The following CDH12 variants were observed in gnomAD, a reference collection of about 807,000 sequenced individuals.
CDH12 encodes the protein cadherin 12, also known as cadherin-12.
Under a neutral mutation model 74.1 loss-of-function variants are expected in CDH12, and 41 were observed. The ratio of observed to expected loss-of-function variants is 0.55; its 90% confidence interval spans 0.43 to 0.72. CDH12 has a LOEUF of 0.72. Among genes scored for constraint, CDH12 ranks in the 30% least tolerant of loss-of-function variants. The pLI is 0.00. For missense variants in CDH12, 945 were observed against 977.2 expected (o/e 0.97, Z 0.44); for synonymous variants, 399 against 355.0 (o/e 1.12, Z -1.39).
At chr5:22,819,549 A>G (rs1264217907) in intron 1 of CDH12, among the ~76,000 whole-genome samples, 1 of 152,064 alleles carries the variant, frequency 6.6e-6, no homozygotes, top group Non-Finnish European at 1.5e-5. Flanking sequence ...GAAAAAAGCT[A>G]TGCAAACACA....
chr5:22,485,383 T>C (rs1173721706), intron 2 of CDH12, among the ~76,000 whole-genome samples: 1 of 152,176 alleles, frequency 6.6e-6, no homozygotes, highest in African/African-American at 2.4e-5. Context: ...AAGAGACAGG[T>C]CCTTGCTATG....
intron 2 of CDH12, among the ~76,000 whole-genome samples, chr5:22,429,609 T>G (rs773307867): frequency 2.4e-4 from 37 of 152,232 alleles, no homozygotes; most frequent in Non-Finnish European, 4.7e-4. Context: ...ACTGTATATA[T>G]GCATAGTGTT....
In CDH12 at chr5:22,540,193, A is replaced by G. The variant is rs537271118; in HGVS notation, c.-522-34829T>C. The stretch of plus-strand genomic sequence containing the variant: ...ACAAAATTGAGGGATAAATATATTC[A>G]TATATGTCTCATCAGTATGTCAGAT... On this transcript the variant is annotated intron_variant, in intron 1 of 14. Coordinates refer to ENST00000382254, the MANE Select transcript of CDH12 (RefSeq NM_004061.5). Among the ~76,000 whole-genome samples the G allele has an allele frequency of 2.4e-4, 36 of 152,262 alleles. No individual in the cohort carries two copies. The South Asian group carries it at 2.7e-3, about 11-fold the overall frequency.
rs540618064 is a variant in CDH12, at chr5:22,824,018, A to G, written c.-523+29040T>C. Among the ~76,000 whole-genome samples, 10 of 152,330 alleles carry G rather than the reference A, an allele frequency of 6.6e-5. 1 individual carries two copies. In the East Asian group the frequency reaches 1.2e-3, roughly 18 times the overall value. On this transcript the variant is annotated intron_variant, in intron 1 of 14. Coordinates refer to ENST00000382254, the MANE Select transcript of CDH12 (RefSeq NM_004061.5). ...AAAATAAATGGAAACCAATGCAAAT[A>G]AATTCATATAATAATGATAAAGAGA...
At chr5:21,936,530 T>C (rs1755081137) in intron 6 of CDH12, among the ~76,000 whole-genome samples, 1 of 152,150 alleles carries the variant, frequency 6.6e-6, no homozygotes, top group Non-Finnish European at 1.5e-5. Flanking sequence ...AATGAAGTCA[T>C]TTAAACAAAT....
chr5:21,938,447 T>C (rs1237089298), intron 6 of CDH12, among the ~76,000 whole-genome samples: 1 of 148,360 alleles, frequency 6.7e-6, no homozygotes, highest in Non-Finnish European at 1.5e-5. Context: ...TAATTTCTGT[T>C]ATGAGTTATG....
chr5:22,001,026 C>G (rs1308347162), intron 5 of CDH12, among the ~76,000 whole-genome samples: 5 of 152,022 alleles, frequency 3.3e-5, no homozygotes, highest in Non-Finnish European at 7.4e-5. Flanking sequence ...TATTAAATAA[C>G]TTGCCCAATC....
chr5:22,276,055 A>G (rs1472798958), intron 3 of CDH12, among the ~76,000 whole-genome samples: 4 of 152,128 alleles, frequency 2.6e-5, no homozygotes, highest in Non-Finnish European at 4.4e-5. Context: ...TCTTTTATTC[A>G]TTATTTTCAT....
intron 4 of CDH12, among the ~76,000 whole-genome samples, chr5:22,139,040 G>A (rs71609229): frequency 6.6e-6 from 1 of 150,564 alleles, no homozygotes; most frequent in South Asian, 2.1e-4. Context: ...ATAATTTGAT[G>A]TTTTGGAAAA....
intron 5 of CDH12, among the ~76,000 whole-genome samples, chr5:22,014,968 A>T (rs1181700357): frequency 6.6e-6 from 1 of 152,186 alleles, no homozygotes; most frequent in Non-Finnish European, 1.5e-5. Context: ...TTGATGTAAC[A>T]TTAGTATAGA....
chr5:22,553,482 G>A (rs1561486653), intron 1 of CDH12, among the ~76,000 whole-genome samples: 1 of 152,086 alleles, frequency 6.6e-6, no homozygotes, highest in East Asian at 1.9e-4. Flanking sequence ...CATATAAAGA[G>A]TACATTGGGA....
At chr5:21,904,997 A>G (rs11743117) in intron 6 of CDH12, among the ~76,000 whole-genome samples, 1 of 152,188 alleles carries the variant, frequency 6.6e-6, no homozygotes, top group Non-Finnish European at 1.5e-5. Flanking sequence ...GGTGATGTAC[A>G]GGAAAGAAAA....
At chr5:22,065,810 C>T (rs561552988) in intron 5 of CDH12, among the ~76,000 whole-genome samples, 1 of 152,074 alleles carries the variant, frequency 6.6e-6, no homozygotes, top group South Asian at 2.1e-4. Flanking sequence ...GATCAATGGC[C>T]AAAGTAAGGT....
At chr5:21,991,683 A>T (rs1757762495) in intron 5 of CDH12, among the ~76,000 whole-genome samples, 1 of 151,444 alleles carries the variant, frequency 6.6e-6, no homozygotes, top group Non-Finnish European at 1.5e-5. Context: ...AGCATCCATT[A>T]CTGTGGGGAT....
intron 1 of CDH12, among the ~76,000 whole-genome samples, chr5:22,795,039 T>G (rs1402739744): frequency 2.6e-5 from 4 of 152,196 alleles, no homozygotes; most frequent in African/African-American, 9.7e-5. Context: ...CTCAGAATTT[T>G]TTTAAATGCA....
intron 3 of CDH12, among the ~76,000 whole-genome samples, chr5:22,217,825 G>A (rs757537641): frequency 5.3e-5 from 8 of 151,540 alleles, no homozygotes; most frequent in South Asian, 2.1e-4. Flanking sequence ...TTTCCTTACT[G>A]AGTAGATAGG....
chr5:22,815,530 G>A (rs1749344905), intron 1 of CDH12, among the ~76,000 whole-genome samples: 1 of 152,114 alleles, frequency 6.6e-6, no homozygotes, highest in Admixed American at 6.5e-5. Context: ...AGCACTTTGG[G>A]AGGCTGAGGG....
intron 3 of CDH12, among the ~76,000 whole-genome samples, chr5:22,375,879 G>A (rs1741501601): frequency 6.6e-6 from 1 of 151,894 alleles, no homozygotes. Context: ...AATTACTACA[G>A]CCACTATGGA....
chr5:22,054,518 A>G (rs1740604992), intron 5 of CDH12, among the ~76,000 whole-genome samples: 1 of 152,188 alleles, frequency 6.6e-6, no homozygotes, highest in Non-Finnish European at 1.5e-5. Context: ...ATGCAGATAT[A>G]TGGTAAAGAA....
Sources: allele counts gnomAD v4.1 joint callset (sites outside exome capture counted in the v4.1 genomes callset), GRCh38; gene constraint gnomAD v4.1.1; transcripts MANE v1.5; gene names NCBI Gene and HGNC (gene_info 2026-07-23, HGNC 2026-07-21).